Variants in ENO4 observed in about 807,000 individuals in gnomAD.
ENO4 encodes the protein enolase 4.
A neutral mutation model predicts 63.2 loss-of-function variants in ENO4; 53 were observed. The ratio of observed to expected loss-of-function variants is 0.84; its 90% CI spans 0.67 to 1.05. ENO4 has a LOEUF of 1.05. Among genes scored for constraint, ENO4 ranks in the 50% least tolerant of loss-of-function variants. The pLI, the probability that ENO4 is intolerant of heterozygous loss-of-function variation, is 0.00. For missense variants in ENO4, 719 were observed against 772.0 expected (o/e 0.93, Z 0.81); for synonymous variants, 266 against 283.8 (o/e 0.94, Z 0.63).
chr10:116,863,971 GTC>G (rs1171088881), intron 7 of ENO4, among the ~76,000 whole-genome samples: 1 of 152,180 alleles, frequency 6.6e-6, no homozygotes, highest in Non-Finnish European at 1.5e-5. Flanking sequence ...CAATTCCATA[GTC>G]TCTCTGCCTC....
At chr10:116,877,489 G>GA (rs1846871658) in intron 11 of ENO4, among the ~76,000 whole-genome samples, 1 of 152,204 alleles carries the variant, frequency 6.6e-6, no homozygotes, top group African/African-American at 2.4e-5. Flanking sequence ...GAGCAGTTTA[G>GA]AAAACAGGCA....
chr10:116,867,752 C>A (rs1349110777), intron 7 of ENO4, among the ~76,000 whole-genome samples: 1 of 152,190 alleles, frequency 6.6e-6, no homozygotes. Flanking sequence ...GAAAAACATA[C>A]TTCCTGTCCT....
In ENO4 at chr10:116,909,543, C is replaced by A. The variant is rs543137989; in HGVS notation, c.1195-1956C>A. Among the ~76,000 whole-genome samples the A allele has an allele frequency of 7.3e-4, 111 of 152,256 alleles. 2 individuals carry two copies. In the South Asian group the frequency reaches 0.022, roughly 30 times the overall value. On this transcript the variant is annotated intron_variant, in intron 10 of 10. Transcript: ENST00000369207. Reference sequence around the variant, plus strand: ...GACTCAAAAGGTTTCATTTCCTAAACCTCAAAACCTTTTGTGACTATGAGA... The same window carrying A: ...GACTCAAAAGGTTTCATTTCCTAAAACTCAAAACCTTTTGTGACTATGAGA...
chr10:116,876,883 G>A (rs892667988), intron 11 of ENO4, among the ~76,000 whole-genome samples: 5 of 152,042 alleles, frequency 3.3e-5, no homozygotes, highest in African/African-American at 9.7e-5. Flanking sequence ...CTTGGGAGGC[G>A]GAGCTTGCAG....
chr10:116,876,154 T>C lies in ENO4; in HGVS notation c.1431T>C (p.Leu477=), dbSNP rs1846828579. 1 of 1,550,646 alleles carries C rather than the reference T, an allele frequency of 6.4e-7. No individual in the cohort carries two copies. The highest frequency in any genetic ancestry group is 2.0e-5 in the Admixed American group (1 of 50,960). ...CTGCTTCCAAAAGCATTTCTAAACTTCTAGAGCAAGGAAACATCAGCATCC... is the reference window on the plus strand; with the variant it reads ...CTGCTTCCAAAAGCATTTCTAAACTCCTAGAGCAAGGAAACATCAGCATCC... ...AGTASKSISK[L]LEQGNISIPK... Residue 477 remains leucine, a synonymous_variant, in exon 11 of 14, where the codon CTT becomes CTC. Coordinates refer to ENST00000341276, the MANE Select transcript of ENO4 (RefSeq NM_001242699.2).
chr10:116,882,301 A>C lies in ENO4; in HGVS notation c.*632A>C, dbSNP rs7920638. 2.0e-5 allele frequency: 3 copies of C among 152,202 alleles called. No homozygotes were observed. Among genetic ancestry groups the C allele is most frequent in the African/African-American group, 7.2e-5 (3 of 41,526 alleles). 9.4% of individuals were successfully genotyped at this position (152,202 alleles called of 1,614,324 possible). A position where few individuals can be genotyped will look rare whatever the true frequency, so the allele number is the denominator to read the frequency against. On this transcript the variant is annotated 3_prime_UTR_variant, in exon 14 of 14. Transcript: ENST00000341276. ...TCCTTTTTGGAGTAAGAATGAGTAT[A>C]AATGAATAAGCACATCAGTAAATGA...
intron 10 of ENO4, among the ~76,000 whole-genome samples, chr10:116,907,523 G>C (rs117651711): frequency 6.6e-6 from 1 of 152,126 alleles, no homozygotes; most frequent in African/African-American, 2.4e-5. Context: ...TGGCTCTTCC[G>C]GGAAGTATGT....
chr10:116,875,589 G>GCACACACA (rs1846811285), intron 10 of ENO4, among the ~76,000 whole-genome samples: 1 of 40,190 alleles, frequency 2.5e-5, no homozygotes, highest in Non-Finnish European at 5.6e-5. Flanking sequence ...ACACACACAT[G>GCACACACA]CACATGTATG....
At chr10:116,893,691 A>G (rs999864804) in intron 10 of ENO4, among the ~76,000 whole-genome samples, 2 of 151,778 alleles carry the variant, frequency 1.3e-5, no homozygotes, top group African/African-American at 4.8e-5. Context: ...TCCCAGGACT[A>G]AAAGAACTTC....
rs1430668040 is a variant in ENO4 at position 116,849,734 on chromosome 10, A to C, written c.165+3A>C. On this transcript the variant is annotated splice_donor_region_variant and intron_variant, in intron 1 of 13. Coordinates refer to ENST00000341276, the MANE Select transcript of ENO4 (RefSeq NM_001242699.2). ...CTGCCGACGTCTACGGGCACCTGGT[A>C]GGGACCTGGGACAAGCGCTCTCCTC... The C allele has an allele frequency of 1.3e-6, 2 of 1,516,572 alleles. No individual in the cohort carries two copies. The highest frequency in any genetic ancestry group is 1.8e-6 in the Non-Finnish European group (2 of 1,129,508). 93.9% of individuals were successfully genotyped at this position (1,516,572 alleles called of 1,614,324 possible). A position where few individuals can be genotyped will look rare whatever the true frequency, so the allele number is the denominator to read the frequency against.
intron 9 of ENO4, among the ~76,000 whole-genome samples, chr10:116,873,344 C>T (rs1014661006): frequency 2.6e-5 from 4 of 152,176 alleles, no homozygotes; most frequent in African/African-American, 9.7e-5. Flanking sequence ...TTCCACCTCC[C>T]TCCCAGTGCC....
intron 10 of ENO4, among the ~76,000 whole-genome samples, chr10:116,892,572 C>A (rs552927279): frequency 6.6e-6 from 1 of 152,168 alleles, no homozygotes; most frequent in Non-Finnish European, 1.5e-5. Context: ...CTGCCATGCA[C>A]AAAATACTTG....
At chr10:116,873,944 C>T (rs1846764345) in intron 9 of ENO4, 132 bp from the exon 10 acceptor site, 1 of 1,325,752 alleles carries the variant, frequency 7.5e-7, no homozygotes, top group Non-Finnish European at 9.8e-7. Context: ...TTTCTCAGGT[C>T]AACGTGCCCT....
At chr10:116,854,646 A>G (rs939643187) in intron 1 of ENO4, among the ~76,000 whole-genome samples, 1 of 151,568 alleles carries the variant, frequency 6.6e-6, no homozygotes, top group Admixed American at 6.6e-5. Context: ...TGGTTTCTGT[A>G]TCTTGAAACA....
At position 116,881,576 on chromosome 10, in the gene ENO4, A is replaced by C; in HGVS notation, c.1785A>C (p.Ala595=). The C allele has an allele frequency of 6.4e-7, 1 of 1,550,418 alleles. No homozygotes were observed. Residue 595 remains alanine, a synonymous_variant, in exon 14 of 14, where the codon GCA becomes GCC. Coordinates refer to ENST00000341276, the MANE Select transcript of ENO4 (RefSeq NM_001242699.2). ...AGGAAGCTGAAAAGGCTGCGGAGGC[A>C]CTTGAGGCTGCTGCGGCTAGGGAGC... ...FNEEAEKAAE[A]LEAAAAREPL...
rs75674107 is a variant in ENO4, at chr10:116,890,721, G to C, written c.1194+10735G>C. Among the ~76,000 whole-genome samples the C allele has an allele frequency of 3.9e-3, 594 of 152,316 alleles. 2 individuals are homozygous for C. The highest frequency in any genetic ancestry group is 4.4e-3 in the Non-Finnish European group (302 of 68,026). Reference sequence around the variant, plus strand: ...CAGCTATTGTGCCCCTACTGCAAGAGAGCCCAAACGTGGGGCCTGAGCAGG... The same window carrying C: ...CAGCTATTGTGCCCCTACTGCAAGACAGCCCAAACGTGGGGCCTGAGCAGG... On this transcript the variant is annotated intron_variant, in intron 10 of 10. Coordinates refer to the ENO4 transcript ENST00000369207.
At chr10:116,907,793 C>T in intron 10 of ENO4, 1 of 471,830 alleles carries the variant, frequency 2.1e-6, no homozygotes, top group Admixed American at 2.3e-5. Context: ...GTATAACTTG[C>T]CAGACTTCAT....
intron 10 of ENO4, chr10:116,901,755 C>A: frequency 3.2e-6 from 5 of 1,579,046 alleles, no homozygotes; most frequent in Non-Finnish European, 4.3e-6. Context: ...TAAAGAGCAT[C>A]GTTACTTACT....
intron 7 of ENO4, among the ~76,000 whole-genome samples, chr10:116,864,017 AC>A (rs1846488477): frequency 6.6e-6 from 1 of 152,130 alleles, no homozygotes; most frequent in Non-Finnish European, 1.5e-5. Context: ...GATGATCAGT[AC>A]CCAAGTCATG....
Sources: gnomAD v4.1 joint callset for allele counts (sites outside exome capture counted in the v4.1 genomes callset) on GRCh38, gnomAD v4.1.1 for gene constraint, MANE v1.5 for transcripts, NCBI Gene and HGNC (gene_info 2026-07-23, HGNC 2026-07-21) for gene names.